Variants in FES observed in about 807,000 individuals in gnomAD.
FES encodes the protein FES proto-oncogene, tyrosine kinase, also known as tyrosine-protein kinase Fes/Fps.
Under a neutral mutation model 109.6 loss-of-function variants are expected in FES, and 83 were observed. The observed-to-expected ratio is 0.76, with a 90% CI of 0.63 to 0.91. The LOEUF (loss-of-function observed/expected upper bound fraction) is 0.91. FES is among the 40% of genes least tolerant of loss of function. The pLI, the probability that FES is intolerant of heterozygous loss-of-function variation, is 0.00. For synonymous variants in FES, 458 were observed against 442.1 expected (o/e 1.04, Z -0.45); for missense variants, 943 against 1,070.9 (o/e 0.88, Z 1.67).
At position 90,890,993 on chromosome 15, in the gene FES, G is replaced by T; in HGVS notation, c.1332G>T (p.Pro444=). The T allele has an allele frequency of 6.3e-7, 1 of 1,586,244 alleles. No homozygotes were observed. The part of the protein sequence containing the change: ...IFRPKFSLPP[P]LQLIPEVQKP... ...CCTCCCTTGCCCAGCTCCCTCCACC[G>T]CTGCAGCTCATTCCGGAGGTGCAGA... The change falls in exon 11 of 19, where the codon CCG becomes CCT. Residue 444 remains proline (P), a synonymous_variant. Coordinates refer to ENST00000328850, the MANE Select transcript of FES (RefSeq NM_002005.4).
In FES at chr15:90,891,011, G is replaced by T. The variant is rs1567099356; in HGVS notation, c.1350G>T (p.Glu450Asp). 6.3e-7 allele frequency: 1 copy of T among 1,594,240 alleles called. No homozygotes were observed. The highest frequency in any genetic ancestry group is 8.5e-7 in the Non-Finnish European group (1 of 1,170,292). The change falls in exon 11 of 19, where the codon GAG becomes GAT. Residue 450 changes from glutamate (E) to aspartate (D), a missense_variant. Coordinates refer to ENST00000328850, the MANE Select transcript of FES (RefSeq NM_002005.4). ...SLPPPLQLIP[E>D]VQKPLHEQLW... ...CTCCACCGCTGCAGCTCATTCCGGA[G>T]GTGCAGAAGCCCCTGCATGAGCAGC... is the stretch of plus-strand genomic sequence containing the variant.
chr15:90,885,667 G>A, intron 3 of FES, 82 bp downstream of exon 3: 2 of 1,515,278 alleles, frequency 1.3e-6, no homozygotes, highest in Non-Finnish European at 1.8e-6. Context: ...AGAGGCCCTG[G>A]ATTCACTGGG....
intron 12 of FES, 124 bp from the exon 13 acceptor site, chr15:90,891,934 C>T: frequency 8.2e-7 from 1 of 1,212,318 alleles, no homozygotes. Flanking sequence ...TCTCAGTGTG[C>T]TCCCCACGTG....
In FES at chr15:90,889,292, C is replaced by G; in HGVS notation, c.669-14C>G. 6.2e-7 allele frequency: 1 copy of G among 1,612,356 alleles called. No homozygotes were observed. The highest frequency in any genetic ancestry group is 8.5e-7 in the Non-Finnish European group (1 of 1,179,548). On this transcript the variant is annotated splice_polypyrimidine_tract_variant and intron_variant, in intron 5 of 18. Transcript: ENST00000328850. This position sits in a 1 kb window ranked among gnomAD's most constrained non-coding sequence, Gnocchi z 6.1. ...CTGAGGCTCCCCTGACTGGGGATCC[C>G]GTCTCGGGGGCAGGAAGGAGATCCT...
rs1320059725 is a variant in FES, at chr15:90,892,112, G to C, written c.1707+1G>C. 1 of 1,613,924 alleles carries C rather than the reference G, an allele frequency of 6.2e-7. No individual in the cohort carries two copies. Among genetic ancestry groups the C allele is most frequent in the Non-Finnish European group, 8.5e-7 (1 of 1,179,986 alleles). On this transcript the variant is annotated splice_donor_variant, in intron 13 of 18. Transcript: ENST00000328850. LOFTEE classifies it high-confidence loss of function. ...GGTGTTGGGTGAGCAGATTGGACGG[G>C]TGAGTGCGCCTCTGCTGGCCTCCTT...
chr15:90,891,479 C>T, intron 11 of FES, 75 bp from the exon 12 acceptor site: 4 of 1,600,088 alleles, frequency 2.5e-6, no homozygotes, highest in Non-Finnish European at 3.4e-6. Flanking sequence ...TCCCCTGCTG[C>T]TCTCCCTTTC....
At position 90,895,385 on chromosome 15, in the gene FES, C is replaced by T. The variant is rs772797823; in HGVS notation, c.2327-31C>T. 8 of 1,485,104 alleles carry T rather than the reference C, an allele frequency of 5.4e-6. No homozygotes were observed. In the Admixed American group the frequency reaches 1.9e-4, roughly 35 times the overall value. 92.0% of individuals were successfully genotyped at this position (1,485,104 alleles called of 1,614,324 possible). A position where few individuals can be genotyped will look rare whatever the true frequency, so the allele number is the denominator to read the frequency against. On this transcript the variant is annotated intron_variant, in intron 18 of 18. Transcript: ENST00000328850. ...GCCGAGGACCCTCAAACTCCCTCCTCATGCCTGGTGTGCTGTGCCTCTCCT... is the reference window on the plus strand; with the variant it reads ...GCCGAGGACCCTCAAACTCCCTCCTTATGCCTGGTGTGCTGTGCCTCTCCT...
intron 9 of FES, 51 bp from the exon 10 acceptor site, chr15:90,890,350 C>T: frequency 6.3e-7 from 1 of 1,596,406 alleles, no homozygotes; most frequent in East Asian, 2.2e-5. Flanking sequence ...TCATTTTCGC[C>T]CTCCCCCTCC....
At chr15:90,886,033 G>T (rs919108545) in intron 3 of FES, among the ~76,000 whole-genome samples, 1 of 152,200 alleles carries the variant, frequency 6.6e-6, no homozygotes, top group Non-Finnish European at 1.5e-5. Context: ...AGCCTGCCTA[G>T]GTTTGAATCC....
intron 3 of FES, 137 bp from the exon 4 acceptor site, chr15:90,886,824 C>A (rs985299410): frequency 2.8e-6 from 2 of 723,556 alleles, no homozygotes; most frequent in Non-Finnish European, 4.7e-6. Context: ...TTGACTCTCA[C>A]GTCAGCAGCC....
At chr15:90,890,334 C>A in intron 9 of FES, 56 bp downstream of exon 9, 1 of 1,592,054 alleles carries the variant, frequency 6.3e-7, no homozygotes, top group Non-Finnish European at 8.5e-7. Flanking sequence ...CCTGGGGCTG[C>A]GCTCCTCATT....
At chr15:90,893,482 A>G in intron 16 of FES, 68 bp downstream of exon 16, 1 of 1,506,260 alleles carries the variant, frequency 6.6e-7, no homozygotes, top group Non-Finnish European at 8.8e-7. Flanking sequence ...CTATACCCCT[A>G]GGGCCCCCCG....
chr15:90,884,979 A>G (rs964997674), intron 1 of FES, 58 bp from the exon 2 acceptor site: 9 of 1,422,102 alleles, frequency 6.3e-6, no homozygotes, highest in African/African-American at 2.8e-5. Context: ...TCCTCGTCCC[A>G]TGCCTCCGTC....
At chr15:90,892,863 A>T in intron 14 of FES, 38 bp downstream of exon 14, 1 of 1,588,884 alleles carries the variant, frequency 6.3e-7, no homozygotes, top group Non-Finnish European at 8.6e-7. Flanking sequence ...GGTCCCGCAT[A>T]CACAGAGGTT....
Position 90,892,783 on chromosome 15 carries a change from C to T in FES, c.1784C>T (p.Thr595Met), listed in dbSNP as rs141708381. The T allele has an allele frequency of 3.1e-6, 5 of 1,613,694 alleles. No individual in the cohort carries two copies. The highest frequency in any genetic ancestry group is 4.2e-6 in the Non-Finnish European group (5 of 1,179,958). ...TLVAVKSCRETLPPDLKAKFL... is the reference protein window; with the variant it reads ...TLVAVKSCREMLPPDLKAKFL... ...GTGGCGGTGAAGTCTTGTCGAGAGA[C>T]GCTCCCACCTGACCTCAAGGCCAAG... Residue 595 changes from threonine (T) to methionine (M), a missense_variant, in exon 14 of 19, where the codon ACG (threonine) becomes ATG (methionine). Coordinates refer to ENST00000328850, the MANE Select transcript of FES (RefSeq NM_002005.4).
chr15:90,889,293 G>C lies in FES; in HGVS notation c.669-13G>C. 4 of 1,612,572 alleles carry C rather than the reference G, an allele frequency of 2.5e-6. No individual in the cohort carries two copies. Among genetic ancestry groups the C allele is most frequent in the Non-Finnish European group, 3.4e-6 (4 of 1,179,616 alleles). On this transcript the variant is annotated splice_polypyrimidine_tract_variant and intron_variant, in intron 5 of 18. Coordinates refer to ENST00000328850, the MANE Select transcript of FES (RefSeq NM_002005.4). This position sits in a 1 kb window ranked among gnomAD's most constrained non-coding sequence, Gnocchi z 6.1. ...TGAGGCTCCCCTGACTGGGGATCCC[G>C]TCTCGGGGGCAGGAAGGAGATCCTG...
In FES at chr15:90,889,161, T is replaced by A; in HGVS notation, c.669-145T>A. The A allele has an allele frequency of 1.0e-6, 1 of 985,012 alleles. No individual in the cohort carries two copies. Among genetic ancestry groups the A allele is most frequent in the East Asian group, 2.4e-5 (1 of 40,944 alleles). 61.0% of individuals were successfully genotyped at this position (985,012 alleles called of 1,614,324 possible). ...AATAGAAGATTAGGGAGAGGTTAAATAATTTGCCTAGAGTGGCATGGCTAG... is the reference window on the plus strand; with the variant it reads ...AATAGAAGATTAGGGAGAGGTTAAAAAATTTGCCTAGAGTGGCATGGCTAG... On this transcript the variant is annotated intron_variant, in intron 5 of 18. Coordinates refer to ENST00000328850, the MANE Select transcript of FES (RefSeq NM_002005.4). This position sits in a 1 kb window ranked among gnomAD's most constrained non-coding sequence, Gnocchi z 6.1.
rs1039074598 is a variant in FES at position 90,890,072 on chromosome 15, C to G, written c.1050-20C>G. ...CGAGCCCTTATTCTCATCCACCCTC[C>G]CACCCGCCCCTGCCTGCAGGGTGCA... is the stretch of plus-strand genomic sequence containing the variant. On this transcript the variant is annotated intron_variant, in intron 8 of 18. Transcript: ENST00000328850. 1.3e-6 allele frequency: 2 copies of G among 1,535,902 alleles called. No individual in the cohort carries two copies. Among genetic ancestry groups the G allele is most frequent in the African/African-American group, 2.7e-5 (2 of 73,568 alleles).
intron 5 of FES, among the ~76,000 whole-genome samples, chr15:90,888,115 A>G (rs975353469): frequency 3.9e-5 from 6 of 152,068 alleles, no homozygotes; most frequent in Middle Eastern, 6.8e-3. Flanking sequence ...TTTTGTTTTA[A>G]CTTTTTTTGA....
Sources: allele counts gnomAD v4.1 joint callset (sites outside exome capture counted in the v4.1 genomes callset), GRCh38; gene constraint gnomAD v4.1.1; non-coding constraint Gnocchi (gnomAD v3.1); transcripts MANE v1.5; gene names NCBI Gene and HGNC (gene_info 2026-07-23, HGNC 2026-07-21).